RBM27: variants seen among roughly 807,000 people sequenced by gnomAD.
RBM27 encodes RNA binding motif protein 27.
Under a neutral mutation model 135.3 loss-of-function variants are expected in RBM27, and 22 were observed. The ratio of observed to expected loss-of-function variants is 0.16; its 90% CI spans 0.12 to 0.23. The LOEUF is 0.23. Among genes scored for constraint, RBM27 ranks in the 10% least tolerant of loss-of-function variants. The probability of loss-of-function intolerance (pLI) is 1.00; values close to 1 mark genes in which losing one functional copy is unlikely to be tolerated. For synonymous variants in RBM27, 481 were observed against 442.4 expected (o/e 1.09, Z -1.10); for missense variants, 1,009 against 1,281.0 (o/e 0.79, Z 3.24).
At chr5:146,279,445 TAAAAAACA>T (rs1185731499) in intron 19 of RBM27, among the ~76,000 whole-genome samples, 1 of 144,732 alleles carries the variant, frequency 6.9e-6, no homozygotes, top group Non-Finnish European at 1.5e-5. Flanking sequence ...AGACTCTGTC[TAAAAAACA>T]AAAAAACAAA....
chr5:146,255,205 A>G (rs562023744), intron 10 of RBM27, 113 bp downstream of exon 10: 1 of 886,198 alleles, frequency 1.1e-6, no homozygotes, highest in Non-Finnish European at 1.6e-6. Flanking sequence ...AATTACTTAT[A>G]TATTATCTCT....
At chr5:146,282,125 C>T (rs1759385444) in intron 19 of RBM27, among the ~76,000 whole-genome samples, 1 of 151,436 alleles carries the variant, frequency 6.6e-6, no homozygotes, top group African/African-American at 2.4e-5. Flanking sequence ...CCTGCCTCAG[C>T]CTCCTGAGTA....
At chr5:146,242,415 A>G (rs1253269047) in intron 8 of RBM27, among the ~76,000 whole-genome samples, 1 of 152,230 alleles carries the variant, frequency 6.6e-6, no homozygotes, top group Non-Finnish European at 1.5e-5. Context: ...ATATTTTGAA[A>G]GTTATAGAAT....
chr5:146,206,681 A>T (rs1297523764), intron 1 of RBM27, among the ~76,000 whole-genome samples: 1 of 152,058 alleles, frequency 6.6e-6, no homozygotes, highest in African/African-American at 2.4e-5. Context: ...CCTGGGTTCA[A>T]GCGATTCTCC....
intron 1 of RBM27, among the ~76,000 whole-genome samples, chr5:146,205,454 T>G (rs972370287): frequency 2.6e-5 from 4 of 152,134 alleles, no homozygotes; most frequent in Admixed American, 6.6e-5. Context: ...GGGAGTAGTT[T>G]GGGAGGTGTG....
intron 13 of RBM27, among the ~76,000 whole-genome samples, chr5:146,262,545 C>G (rs951659677): frequency 6.6e-6 from 1 of 152,290 alleles, no homozygotes; most frequent in African/African-American, 2.4e-5. Flanking sequence ...AGAGATTGAC[C>G]TAGATAATCT....
intron 6 of RBM27, among the ~76,000 whole-genome samples, chr5:146,231,884 G>A (rs1301356922): frequency 6.6e-6 from 1 of 152,124 alleles, no homozygotes; most frequent in Non-Finnish European, 1.5e-5. Flanking sequence ...CAAAGTGCTG[G>A]GATTACAGGT....
At chr5:146,282,590 C>T (rs1759410190) in intron 19 of RBM27, among the ~76,000 whole-genome samples, 1 of 152,188 alleles carries the variant, frequency 6.6e-6, no homozygotes, top group Admixed American at 6.5e-5. Context: ...TTTTACATTG[C>T]ATTAGATATT....
chr5:146,266,878 G>A (rs893544776), intron 14 of RBM27, among the ~76,000 whole-genome samples: 8 of 152,132 alleles, frequency 5.3e-5, no homozygotes, highest in African/African-American at 1.4e-4. Flanking sequence ...GCAGCAAGCC[G>A]TGATTGCACC....
chr5:146,254,411 C>T, intron 9 of RBM27, among the ~76,000 whole-genome samples: 1 of 149,114 alleles, frequency 6.7e-6, no homozygotes, highest in Admixed American at 6.8e-5. Context: ...ATGCATATAT[C>T]TATATTCTGT....
chr5:146,261,822 G>A lies in RBM27; in HGVS notation c.2190+16G>A, dbSNP rs1207588336. The A allele has an allele frequency of 1.9e-6, 3 of 1,613,172 alleles. No homozygotes were observed. The highest frequency in any genetic ancestry group is 2.5e-6 in the Non-Finnish European group (3 of 1,179,400). On this transcript the variant is annotated intron_variant, in intron 13 of 20. Coordinates refer to ENST00000265271, the MANE Select transcript of RBM27 (RefSeq NM_018989.2). ...TATCCAGAAGGTAATCTGGTTCACT[G>A]GGAATTAAAGGTCTTTTAGTTACAC...
intron 8 of RBM27, among the ~76,000 whole-genome samples, chr5:146,240,166 A>T (rs2126785083): frequency 6.6e-6 from 1 of 151,780 alleles, no homozygotes; most frequent in African/African-American, 2.4e-5. Flanking sequence ...TGCCAATTAT[A>T]CCCTTTCTGT....
At chr5:146,249,683 C>CAA (rs1209651197) in intron 8 of RBM27, among the ~76,000 whole-genome samples, 31 of 37,020 alleles carry the variant, frequency 8.4e-4, no homozygotes, top group Non-Finnish European at 1.0e-3. Context: ...GTGAGACTCT[C>CAA]AAAAAAAAAA....
chr5:146,262,511 A>G (rs548379941), intron 13 of RBM27, among the ~76,000 whole-genome samples: 1 of 152,334 alleles, frequency 6.6e-6, no homozygotes, highest in East Asian at 1.9e-4. Flanking sequence ...CAAAACAACA[A>G]ACTACCACAC....
intron 8 of RBM27, among the ~76,000 whole-genome samples, chr5:146,248,847 G>A (rs1188296167): frequency 6.7e-6 from 1 of 148,240 alleles, no homozygotes; most frequent in Admixed American, 7.0e-5. Context: ...CTTTGAGACA[G>A]CTATTATTAA....
intron 1 of RBM27, among the ~76,000 whole-genome samples, chr5:146,204,929 G>A (rs1755561379): frequency 6.6e-6 from 1 of 151,772 alleles, no homozygotes; most frequent in Non-Finnish European, 1.5e-5. Context: ...ACAATGTCTC[G>A]CTGTGTCTCC....
intron 19 of RBM27, among the ~76,000 whole-genome samples, chr5:146,282,000 C>CTTTTTTTTTTTT (rs777368235): frequency 1.1e-4 from 11 of 101,502 alleles, no homozygotes; most frequent in Non-Finnish European, 1.7e-4. Context: ...TATTTTTCAT[C>CTTTTTTTTTTTT]TTTTTTTTTT....
At chr5:146,213,300 C>T (rs1756049123) in intron 1 of RBM27, among the ~76,000 whole-genome samples, 1 of 152,112 alleles carries the variant, frequency 6.6e-6, no homozygotes, top group South Asian at 2.1e-4. Context: ...TGGGGTTTCT[C>T]CATGTTGGTC....
At chr5:146,249,721 A>G (rs1198225132) in intron 8 of RBM27, among the ~76,000 whole-genome samples, 10 of 150,876 alleles carry the variant, frequency 6.6e-5, no homozygotes, top group Non-Finnish European at 1.5e-4. Flanking sequence ...AAAAAAAAAG[A>G]AAAAAAGAAA....
Sources: allele counts gnomAD v4.1 joint callset (sites outside exome capture counted in the v4.1 genomes callset), GRCh38; gene constraint gnomAD v4.1.1; transcripts MANE v1.5; gene names NCBI Gene and HGNC (gene_info 2026-07-23, HGNC 2026-07-21).